Variants in LRPPRC observed in about 807,000 individuals in gnomAD.
LRPPRC encodes the protein leucine-rich PPR motif-containing protein, mitochondrial.
In LRPPRC, 120 loss-of-function variants were observed where a neutral mutation model predicts 180.3. That is an observed-to-expected ratio of 0.67 (90% CI 0.57 to 0.77). The LOEUF (loss-of-function observed/expected upper bound fraction) is 0.77. LRPPRC is among the 30% of genes least tolerant of loss of function. The pLI is 0.00. For missense variants in LRPPRC, 2,012 were observed against 1,657.2 expected (o/e 1.21, Z -3.72); for synonymous variants, 723 against 600.0 (o/e 1.21, Z -3.00).
intron 25 of LRPPRC, among the ~76,000 whole-genome samples, chr2:43,932,021 G>A (rs577199049): frequency 6.8e-6 from 1 of 146,488 alleles, no homozygotes; most frequent in Non-Finnish European, 1.5e-5. Flanking sequence ...ACTTTTTTCA[G>A]ACTAGGTCTT....
chr2:43,956,990 G>A (rs1219670154), intron 14 of LRPPRC, among the ~76,000 whole-genome samples: 1 of 152,136 alleles, frequency 6.6e-6, no homozygotes, highest in African/African-American at 2.4e-5. Flanking sequence ...AAAATTGGAA[G>A]GGCAAGGTCA....
At chr2:43,982,201 CAA>C in intron 2 of LRPPRC, 35 bp downstream of exon 2, 1 of 1,486,790 alleles carries the variant, frequency 6.7e-7, no homozygotes, top group Non-Finnish European at 9.1e-7. Context: ...TGTGACCAGC[CAA>C]AAGTCAACTT....
intron 11 of LRPPRC, among the ~76,000 whole-genome samples, chr2:43,971,790 A>G (rs546359910): frequency 1.1e-4 from 16 of 152,204 alleles, no homozygotes; most frequent in African/African-American, 3.9e-4. Context: ...TAAAGAATAC[A>G]TACAGCCATT....
intron 23 of LRPPRC, among the ~76,000 whole-genome samples, chr2:43,936,554 C>G (rs1036077841): frequency 1.3e-5 from 2 of 152,148 alleles, no homozygotes; most frequent in African/African-American, 4.8e-5. Flanking sequence ...GCCTATTATA[C>G]AAATGTTACA....
chr2:43,989,682 G>T (rs1048950387), intron 1 of LRPPRC, among the ~76,000 whole-genome samples: 1 of 152,148 alleles, frequency 6.6e-6, no homozygotes, highest in African/African-American at 2.4e-5. Context: ...TAACTACCAT[G>T]GCAGTTAACT....
At chr2:43,939,348 AT>A (rs111823696) in intron 23 of LRPPRC, among the ~76,000 whole-genome samples, 1 of 151,912 alleles carries the variant, frequency 6.6e-6, no homozygotes. Flanking sequence ...ACAAATATTG[AT>A]TTTTTTTATT....
intron 30 of LRPPRC, among the ~76,000 whole-genome samples, chr2:43,906,789 C>T (rs1430233803): frequency 6.6e-6 from 1 of 152,178 alleles, no homozygotes; most frequent in Non-Finnish European, 1.5e-5. Context: ...GACACTACGA[C>T]ATGCCCATTC....
chr2:43,957,473 A>G lies in LRPPRC; in HGVS notation c.1583-22T>C, dbSNP rs368249791. On this transcript the variant is annotated intron_variant, in intron 13 of 37. Transcript: ENST00000260665. ...TTCACTGCAAAAGAAAATGACCATC[A>G]TTAAATCTCAGACCAAACAAATTTA... The G allele has an allele frequency of 7.6e-6, 12 of 1,582,596 alleles. No homozygotes were observed. The African/African-American group carries it at 1.5e-4, about 19-fold the overall frequency.
rs548763103 is a variant in LRPPRC, at chr2:43,972,752, T to C, written c.1369+855A>G. ...GTACATTTAAAATAAAATTGCAATA[T>C]GAAAGTCTGCTAAAAGCACTTTTTT... On this transcript the variant is annotated intron_variant, in intron 11 of 37. Coordinates refer to ENST00000260665, the MANE Select transcript of LRPPRC (RefSeq NM_133259.4). Among the ~76,000 whole-genome samples, 41 of 152,340 alleles carry C rather than the reference T, an allele frequency of 2.7e-4. 1 individual carries two copies. The highest frequency in any genetic ancestry group is 9.6e-4 in the African/African-American group (40 of 41,586).
At chr2:43,992,629 C>T (rs1482486690) in intron 1 of LRPPRC, among the ~76,000 whole-genome samples, 2 of 152,066 alleles carry the variant, frequency 1.3e-5, no homozygotes, top group African/African-American at 2.4e-5. Flanking sequence ...GGATGCATTC[C>T]AAATGAAGCA....
Position 43,886,818 on chromosome 2 carries a change from C to A in LRPPRC, c.*1782G>T, listed in dbSNP as rs181941155. On this transcript the variant is annotated 3_prime_UTR_variant, in exon 38 of 38. Transcript: ENST00000260665. ...TTAGCATGACTGCAAAAAAATGAGG[C>A]CTGCTTCAGTGCAATCACTAAAGAC... 6.3e-4 allele frequency: 96 copies of A among 152,236 alleles called. 2 individuals are homozygous for A. Among genetic ancestry groups the A allele is most frequent in the African/African-American group, 2.1e-3 (87 of 41,542 alleles). 9.4% of individuals were successfully genotyped at this position (152,236 alleles called of 1,614,324 possible).
intron 25 of LRPPRC, among the ~76,000 whole-genome samples, chr2:43,933,482 C>T (rs977693453): frequency 8.5e-5 from 13 of 152,134 alleles, no homozygotes; most frequent in African/African-American, 3.1e-4. Context: ...AATAATTTTT[C>T]TTAAGGCAAT....
chr2:43,920,989 A>C (rs1671679798), intron 27 of LRPPRC, among the ~76,000 whole-genome samples: 1 of 152,166 alleles, frequency 6.6e-6, no homozygotes, highest in South Asian at 2.1e-4. Context: ...ACAGAGATGC[A>C]CCTATTAAAA....
intron 25 of LRPPRC, among the ~76,000 whole-genome samples, chr2:43,930,348 AT>A (rs1672043818): frequency 6.6e-6 from 1 of 152,200 alleles, no homozygotes; most frequent in African/African-American, 2.4e-5. Context: ...AGAGGAACCA[AT>A]AGAAAACAGA....
At chr2:43,965,613 T>C (rs923916957) in intron 11 of LRPPRC, among the ~76,000 whole-genome samples, 1 of 152,178 alleles carries the variant, frequency 6.6e-6, no homozygotes, top group African/African-American at 2.4e-5. Context: ...ACCACGTATC[T>C]GATAAGGGGC....
chr2:43,947,853 G>T, intron 18 of LRPPRC, 78 bp from the exon 19 acceptor site: 5 of 934,450 alleles, frequency 5.4e-6, no homozygotes, highest in Non-Finnish European at 7.1e-6. Flanking sequence ...AAGCAAATTT[G>T]TAAGTCTCAC....
At position 43,887,166 on chromosome 2, in the gene LRPPRC, A is replaced by AAAAAAAAAAAAAAAAAAAAATT. The variant is rs1670299110; in HGVS notation, c.*1433_*1434insAATTTTTTTTTTTTTTTTTTTT. On this transcript the variant is annotated 3_prime_UTR_variant, in exon 38 of 38. Coordinates refer to ENST00000260665, the MANE Select transcript of LRPPRC (RefSeq NM_133259.4). ...CTCAAAAAAAAAAAAAAAAAAAAAG[A>AAAAAAAAAAAAAAAAAAAAATT]TGCTTTTGGCAAACCTGTAACATGT... The AAAAAAAAAAAAAAAAAAAAATT allele has an allele frequency of 6.8e-6, 1 of 147,454 alleles. No homozygotes were observed. Among genetic ancestry groups the AAAAAAAAAAAAAAAAAAAAATT allele is most frequent in the East Asian group, 2.0e-4 (1 of 5,080 alleles). 9.1% of individuals were successfully genotyped at this position (147,454 alleles called of 1,614,324 possible).
At chr2:43,974,490 T>C in intron 8 of LRPPRC, 124 bp downstream of exon 8, 3 of 840,154 alleles carry the variant, frequency 3.6e-6, no homozygotes, top group Non-Finnish European at 5.8e-6. Flanking sequence ...CTTATTTAAC[T>C]GACTTTAAGA....
chr2:43,910,757 G>C (rs1405140178), intron 30 of LRPPRC, among the ~76,000 whole-genome samples: 1 of 152,072 alleles, frequency 6.6e-6, no homozygotes, highest in Non-Finnish European at 1.5e-5. Context: ...GAGCTGAGAG[G>C]AATCTTCTTA....
Sources: allele counts gnomAD v4.1 joint callset (sites outside exome capture counted in the v4.1 genomes callset), GRCh38; gene constraint gnomAD v4.1.1; transcripts MANE v1.5; gene names NCBI Gene and HGNC (gene_info 2026-07-23, HGNC 2026-07-21).